The following TAF12 variants were observed in gnomAD, a reference collection of about 807,000 sequenced individuals.
The protein encoded by TAF12 is transcription initiation factor TFIID subunit 12.
A neutral mutation model predicts 20.8 loss-of-function variants in TAF12; 3 were observed. That is an observed-to-expected ratio of 0.14 (90% confidence interval 0.07 to 0.37). The LOEUF (loss-of-function observed/expected upper bound fraction) is 0.37, where lower values mean the gene tolerates loss of function less well. Ranked by LOEUF, TAF12 falls within the 10% of genes least tolerant of loss-of-function variation. The probability of loss-of-function intolerance (pLI) is 1.00; values close to 1 mark genes in which losing one functional copy is unlikely to be tolerated. For synonymous variants in TAF12, 69 were observed against 70.2 expected (o/e 0.98, Z 0.09); for missense variants, 131 against 197.9 (o/e 0.66, Z 2.03).
At chr1:28,635,418 G>C (rs1171822025) in intron 1 of TAF12, among the ~76,000 whole-genome samples, 1 of 148,698 alleles carries the variant, frequency 6.7e-6, no homozygotes, top group African/African-American at 2.5e-5. Context: ...CCATTCTCCT[G>C]TCTCAGCCTC....
chr1:28,635,869 A>G (rs1667806924), intron 1 of TAF12, among the ~76,000 whole-genome samples: 1 of 152,130 alleles, frequency 6.6e-6, no homozygotes, highest in Non-Finnish European at 1.5e-5. Context: ...GAACAGAAGA[A>G]AAGGTAGCCT....
intron 4 of TAF12, among the ~76,000 whole-genome samples, chr1:28,612,365 G>A (rs1434580203): frequency 1.3e-5 from 2 of 151,312 alleles, no homozygotes; most frequent in African/African-American, 2.4e-5. Flanking sequence ...CAGGAGAATC[G>A]CTTGAACCCA....
chr1:28,603,335 G>T lies in TAF12; in HGVS notation c.*204C>A. The T allele has an allele frequency of 1.8e-6, 1 of 559,652 alleles. No individual in the cohort carries two copies. The highest frequency in any genetic ancestry group is 3.2e-6 in the Non-Finnish European group (1 of 315,768). The allele number at this position is 559,652 out of a possible 1,614,324, so 34.7% of individuals were successfully genotyped here. ...TACATTGCTCCTCTTTGAGATGGCAGGGAAAAGGGACCGGAAGTTGGGGTA... is the reference window on the plus strand; with the variant it reads ...TACATTGCTCCTCTTTGAGATGGCATGGAAAAGGGACCGGAAGTTGGGGTA... On this transcript the variant is annotated 3_prime_UTR_variant, in exon 6 of 6. Transcript: ENST00000373824.
At chr1:28,629,647 G>C (rs1667551401) in intron 1 of TAF12, among the ~76,000 whole-genome samples, 1 of 151,492 alleles carries the variant, frequency 6.6e-6, no homozygotes, top group Non-Finnish European at 1.5e-5. Context: ...TGGGTTTTTT[G>C]TTTGTTTGTT....
intron 2 of TAF12, among the ~76,000 whole-genome samples, chr1:28,621,621 C>T (rs1667224032): frequency 6.6e-6 from 1 of 152,074 alleles, no homozygotes; most frequent in Non-Finnish European, 1.5e-5. Flanking sequence ...ACATACAATA[C>T]AGTAATTAAT....
chr1:28,641,515 G>T (rs1319290802), intron 1 of TAF12, among the ~76,000 whole-genome samples: 7 of 151,882 alleles, frequency 4.6e-5, no homozygotes, highest in African/African-American at 1.7e-4. Context: ...AACTGCAAGG[G>T]GGGTGAGGTG....
At chr1:28,617,290 T>C (rs1470547904) in intron 3 of TAF12, among the ~76,000 whole-genome samples, 1 of 152,234 alleles carries the variant, frequency 6.6e-6, no homozygotes, top group Admixed American at 6.5e-5. Context: ...AGTTATTGGG[T>C]ATAAAGCAAA....
intron 2 of TAF12, among the ~76,000 whole-genome samples, 152 bp downstream of exon 2, chr1:28,621,758 AAAAC>A (rs1195848988): frequency 6.6e-6 from 1 of 152,204 alleles, no homozygotes; most frequent in Non-Finnish European, 1.5e-5. Context: ...TACTTATATT[AAAAC>A]AAACAAAAAA....
intron 1 of TAF12, among the ~76,000 whole-genome samples, chr1:28,628,203 A>C (rs1033072469): frequency 9.7e-6 from 1 of 102,908 alleles, no homozygotes; most frequent in Non-Finnish European, 1.8e-5. Flanking sequence ...AAAATGCAAA[A>C]ATTAGCCAGA....
At chr1:28,647,867 C>T (rs1264969133), upstream of TAF12, among the ~76,000 whole-genome samples, 1 of 77,832 alleles carries the variant, frequency 1.3e-5, no homozygotes, top group Admixed American at 1.6e-4. Context: ...GAGCGAGACT[C>T]CGTCTCAAAA....
intron 3 of TAF12, among the ~76,000 whole-genome samples, 159 bp from the exon 4 acceptor site, chr1:28,613,520 G>C (rs998931091): frequency 6.6e-6 from 1 of 152,144 alleles, no homozygotes; most frequent in African/African-American, 2.4e-5. Context: ...GAATGAGAAG[G>C]ACAAAAGAAA....
intron 3 of TAF12, among the ~76,000 whole-genome samples, chr1:28,616,419 A>G (rs1667043737): frequency 6.6e-6 from 1 of 150,782 alleles, no homozygotes; most frequent in Non-Finnish European, 1.5e-5. Flanking sequence ...AAAGAAAAGA[A>G]AAAGAAAAAC....
intron 5 of TAF12, 122 bp downstream of exon 5, chr1:28,605,250 G>T: frequency 1.0e-6 from 1 of 961,202 alleles, no homozygotes; most frequent in Non-Finnish European, 1.6e-6. Flanking sequence ...CCTTGCTCCA[G>T]AGAGTGAAGT....
chr1:28,610,315 G>T (rs1295238605), intron 4 of TAF12, among the ~76,000 whole-genome samples: 1 of 151,934 alleles, frequency 6.6e-6, no homozygotes, highest in Admixed American at 6.6e-5. Flanking sequence ...TTTATTTAGA[G>T]ACAGGGTCTT....
intron 4 of TAF12, among the ~76,000 whole-genome samples, chr1:28,610,871 A>G (rs1202571452): frequency 6.6e-6 from 1 of 151,428 alleles, no homozygotes; most frequent in Non-Finnish European, 1.5e-5. Context: ...GAGGCAGAAG[A>G]ATCCCTTGAA....
chr1:28,604,957 A>G (rs1666615584), intron 5 of TAF12, among the ~76,000 whole-genome samples: 1 of 152,202 alleles, frequency 6.6e-6, no homozygotes, highest in Non-Finnish European at 1.5e-5. Flanking sequence ...CAGCCTGGAT[A>G]CTACCTCTCA....
At chr1:28,605,271 G>A in intron 5 of TAF12, 101 bp downstream of exon 5, 1 of 1,228,398 alleles carries the variant, frequency 8.1e-7, no homozygotes, top group South Asian at 1.2e-5. Context: ...TTGCTGTGTG[G>A]AGGAAGCGAG....
chr1:28,613,376 G>A lies in TAF12; in HGVS notation c.247-15C>T, dbSNP rs555014558. ...TGCAGCAGCATCTGGGGAAGGTAAA[G>A]TGGGAAGAGTCAGCACGACATTGGC... On this transcript the variant is annotated splice_polypyrimidine_tract_variant and intron_variant, in intron 3 of 5. Transcript: ENST00000373824. 259 of 1,600,372 alleles carry A rather than the reference G, an allele frequency of 1.6e-4. 2 individuals are homozygous for A. The South Asian group carries it at 2.9e-3, about 18-fold the overall frequency.
At chr1:28,619,468 A>G (rs1247343752) in intron 2 of TAF12, among the ~76,000 whole-genome samples, 1 of 149,762 alleles carries the variant, frequency 6.7e-6, no homozygotes, top group Non-Finnish European at 1.5e-5. Flanking sequence ...ACTGCACTCC[A>G]GCCTGGGCAA....
Sources: allele counts gnomAD v4.1 joint callset (sites outside exome capture counted in the v4.1 genomes callset), GRCh38; gene constraint gnomAD v4.1.1; transcripts MANE v1.5; gene names NCBI Gene and HGNC (gene_info 2026-07-23, HGNC 2026-07-21).